Variants in USP34 observed in about 807,000 individuals in gnomAD.
USP34 encodes ubiquitin specific peptidase 34, also known as ubiquitin carboxyl-terminal hydrolase 34.
In USP34, 70 loss-of-function variants were observed where a neutral mutation model predicts 460.3. That is an observed-to-expected ratio of 0.15 (90% CI 0.13 to 0.19). The LOEUF (loss-of-function observed/expected upper bound fraction) is 0.19, where lower values mean the gene tolerates loss of function less well. Ranked by LOEUF, USP34 falls within the 10% of genes least tolerant of loss-of-function variation. The pLI, the probability that USP34 is intolerant of heterozygous loss-of-function variation, is 1.00. For synonymous variants in USP34, 1,647 were observed against 1,405.3 expected, an observed-to-expected ratio of 1.17 and a Z score of -3.85; for missense variants, 3,985 against 4,236.2, an observed-to-expected ratio of 0.94 and a Z score of 1.65.
intron 1 of USP34, among the ~76,000 whole-genome samples, chr2:61,425,609 G>T (rs906992797): frequency 1.3e-5 from 2 of 152,118 alleles, no homozygotes; most frequent in African/African-American, 4.8e-5. Context: ...CCCAACTTGA[G>T]TTCCCACCAG....
intron 1 of USP34, among the ~76,000 whole-genome samples, chr2:61,462,110 T>C (rs1472374920): frequency 1.3e-5 from 2 of 151,472 alleles, no homozygotes; most frequent in Admixed American, 1.3e-4. Flanking sequence ...ATGGTGGCAG[T>C]TGCCTGTAAT....
intron 5 of USP34, among the ~76,000 whole-genome samples, chr2:61,390,641 GT>G (rs1460306387): frequency 2.0e-5 from 3 of 152,200 alleles, no homozygotes; most frequent in African/African-American, 7.2e-5. Context: ...ATCTGCTAAA[GT>G]TTTTGAGATT....
chr2:61,291,843 C>T (rs1689861940), intron 33 of USP34, among the ~76,000 whole-genome samples: 1 of 152,134 alleles, frequency 6.6e-6, no homozygotes, highest in Non-Finnish European at 1.5e-5. Context: ...AACCCAAATG[C>T]TTCTCAATTG....
chr2:61,350,804 T>A, intron 10 of USP34, 111 bp from the exon 11 acceptor site: 1 of 1,113,482 alleles, frequency 9.0e-7, no homozygotes, highest in Non-Finnish European at 1.2e-6. Flanking sequence ...ACTAATATTT[T>A]TTAATATGAC....
intron 15 of USP34, among the ~76,000 whole-genome samples, chr2:61,347,422 G>A (rs1251016021): frequency 1.3e-5 from 2 of 152,142 alleles, no homozygotes; most frequent in Non-Finnish European, 2.9e-5. Flanking sequence ...TGCCCAGGAT[G>A]GAGTGCAGTG....
intron 3 of USP34, among the ~76,000 whole-genome samples, chr2:61,396,788 C>G (rs1207050630): frequency 6.6e-6 from 1 of 152,054 alleles, no homozygotes; most frequent in East Asian, 1.9e-4. Context: ...TCGCCCAGTC[C>G]TAACTCTTAA....
chr2:61,285,251 G>A (rs1689652412), intron 34 of USP34, among the ~76,000 whole-genome samples: 3 of 152,192 alleles, frequency 2.0e-5, no homozygotes, highest in Middle Eastern at 6.8e-3. Flanking sequence ...CAATTAGGGA[G>A]GCTCAGGTGG....
chr2:61,376,989 CTT>C (rs1223044127), intron 8 of USP34, among the ~76,000 whole-genome samples: 2 of 152,208 alleles, frequency 1.3e-5, no homozygotes, highest in African/African-American at 4.8e-5. Context: ...TACATAATGT[CTT>C]GACAGTGTGA....
At position 61,418,622 on chromosome 2, in the gene USP34, C is replaced by T. The variant is rs544773699; in HGVS notation, c.131+2124G>A. Reference sequence around the variant, plus strand: ...CAGATTATCCATGCTTTATTAGTACCTGTTTATCCGCTAATTAGAACGACA... The same window carrying T: ...CAGATTATCCATGCTTTATTAGTACTTGTTTATCCGCTAATTAGAACGACA... On this transcript the variant is annotated intron_variant, in intron 2 of 79. Transcript: ENST00000398571. Among the ~76,000 whole-genome samples the T allele has an allele frequency of 5.3e-5, 8 of 152,290 alleles. No homozygotes were observed. The South Asian group carries it at 1.7e-3, about 32-fold the overall frequency.
intron 1 of USP34, among the ~76,000 whole-genome samples, chr2:61,467,570 G>A (rs929498982): frequency 6.8e-5 from 10 of 147,990 alleles, no homozygotes; most frequent in African/African-American, 2.2e-4. Flanking sequence ...ACAGGGTGTC[G>A]TATTTAAAGA....
intron 5 of USP34, among the ~76,000 whole-genome samples, chr2:61,388,817 G>T (rs554534860): frequency 1.5e-3 from 225 of 151,496 alleles, no homozygotes; most frequent in Non-Finnish European, 2.4e-3. Flanking sequence ...ACCCTGATAA[G>T]ACATTTACTT....
chr2:61,325,285 A>G, intron 21 of USP34, 90 bp downstream of exon 21: 1 of 819,636 alleles, frequency 1.2e-6, no homozygotes, highest in Non-Finnish European at 1.8e-6. Flanking sequence ...CTAAAAAAAA[A>G]AAAAAACTGC....
intron 53 of USP34, among the ~76,000 whole-genome samples, chr2:61,239,172 TGG>T (rs748979957): frequency 1.3e-5 from 2 of 151,960 alleles, no homozygotes; most frequent in Admixed American, 6.6e-5. Context: ...GAGACAATAC[TGG>T]AATTAGGCCA....
At chr2:61,363,870 A>C (rs1692348256) in intron 10 of USP34, among the ~76,000 whole-genome samples, 1 of 152,234 alleles carries the variant, frequency 6.6e-6, no homozygotes, top group Admixed American at 6.5e-5. Flanking sequence ...TCATAAAAGG[A>C]ATGAAATTTT....
intron 66 of USP34, among the ~76,000 whole-genome samples, chr2:61,221,251 T>C (rs1272750672): frequency 6.6e-6 from 1 of 152,204 alleles, no homozygotes; most frequent in Admixed American, 6.5e-5. Context: ...CTAGGACTTC[T>C]AGTTGCTTTA....
chr2:61,467,337 AAGC>A (rs1370276332), intron 1 of USP34, among the ~76,000 whole-genome samples: 1 of 151,912 alleles, frequency 6.6e-6, no homozygotes, highest in Non-Finnish European at 1.5e-5. Context: ...ATAATAAAAA[AAGC>A]AGTCTTACTA....
At chr2:61,385,589 G>A (rs1001721462) in intron 5 of USP34, among the ~76,000 whole-genome samples, 6 of 139,796 alleles carry the variant, frequency 4.3e-5, no homozygotes, top group Non-Finnish European at 7.6e-5. Flanking sequence ...GGAGAATGGC[G>A]TGAACCTGGG....
chr2:61,396,983 C>T (rs1314077970), intron 3 of USP34, among the ~76,000 whole-genome samples: 1 of 152,068 alleles, frequency 6.6e-6, no homozygotes, highest in Admixed American at 6.6e-5. Flanking sequence ...ATCTTACATA[C>T]AGACAAAACA....
rs772953043 is a variant in USP34 at position 61,266,101 on chromosome 2, T to G, written c.5500A>C (p.Lys1834Gln). 3.1e-6 allele frequency: 5 copies of G among 1,614,020 alleles called. No individual in the cohort carries two copies. Among genetic ancestry groups the G allele is most frequent in the Non-Finnish European group, 4.2e-6 (5 of 1,179,910 alleles). Residue 1834 changes from lysine (K) to glutamine (Q), a missense_variant, in exon 42 of 80, where the codon AAG (lysine) becomes CAG (glutamine). By Grantham distance (53) the Lys-to-Gln change is moderately conservative (BLOSUM62 1). Coordinates refer to ENST00000398571, the MANE Select transcript of USP34 (RefSeq NM_014709.4). ...LPSLKDRQQP[K>Q]CKSHSSRAAA... ...GCTCTTGAAGAATGTGATTTGCACT[T>G]TGGCTGTTGTCGGTCCTTTAGACTT...
Sources: gnomAD v4.1 joint callset for allele counts (sites outside exome capture counted in the v4.1 genomes callset) on GRCh38, gnomAD v4.1.1 for gene constraint, MANE v1.5 for transcripts, NCBI Gene and HGNC (gene_info 2026-07-23, HGNC 2026-07-21) for gene names.